Variants in SLC7A9 observed in about 807,000 individuals in gnomAD.
SLC7A9 encodes the protein solute carrier family 7 member 9, also known as B(0,+)-type amino acid transporter 1.
In SLC7A9, 38 loss-of-function variants were observed where a neutral mutation model predicts 54.1. The ratio of observed to expected loss-of-function variants is 0.70; its 90% confidence interval spans 0.54 to 0.92. The LOEUF (loss-of-function observed/expected upper bound fraction) is 0.92, where lower values mean the gene tolerates loss of function less well. SLC7A9 is among the 40% of genes least tolerant of loss of function. SLC7A9 has a pLI of 0.00. For missense variants in SLC7A9, 537 were observed against 636.1 expected (o/e 0.84, Z 1.68); for synonymous variants, 264 against 258.9 (o/e 1.02, Z -0.19).
chr19:32,834,862 C>A (rs1188815981), intron 11 of SLC7A9, among the ~76,000 whole-genome samples: 1 of 152,112 alleles, frequency 6.6e-6, no homozygotes, highest in Admixed American at 6.5e-5. Flanking sequence ...GTGATCTTGG[C>A]TCACTGCAAC....
intron 9 of SLC7A9, among the ~76,000 whole-genome samples, chr19:32,852,982 C>CGGCTCACTGCAACCTCCGTCCCCCA (rs1180871979): frequency 6.8e-6 from 1 of 147,024 alleles, no homozygotes; most frequent in Non-Finnish European, 1.5e-5. Context: ...GGTGCAATCT[C>CGGCTCACTGCAACCTCCGTCCCCCA]GGCTCACTGC....
chr19:32,853,133 A>C (rs1185927329), intron 9 of SLC7A9, among the ~76,000 whole-genome samples: 2 of 151,626 alleles, frequency 1.3e-5, no homozygotes, highest in Non-Finnish European at 2.9e-5. Flanking sequence ...CTGGTCTTGA[A>C]CTCCTGACTT....
chr19:32,841,749 A>G (rs1968132823), intron 11 of SLC7A9, among the ~76,000 whole-genome samples: 1 of 152,152 alleles, frequency 6.6e-6, no homozygotes, highest in South Asian at 2.1e-4. Context: ...TCTACTAAAA[A>G]TACAAAAATT....
chr19:32,851,968 C>T (rs1341745464), intron 9 of SLC7A9, among the ~76,000 whole-genome samples: 2 of 150,002 alleles, frequency 1.3e-5, no homozygotes, highest in Non-Finnish European at 3.0e-5. Flanking sequence ...GGGAATTGAA[C>T]AATGAGAACA....
At position 32,868,487 on chromosome 19, in the gene SLC7A9, G is replaced by C. The variant is rs1433749633; in HGVS notation, c.48C>G (p.Ile16Met). Residue 16 changes from isoleucine (I) to methionine (M), a missense_variant, in exon 2 of 13, where the codon ATC (isoleucine) becomes ATG (methionine). Transcript: ENST00000023064. ...TGGTGGTCTTAGGCTCTTGGCTCTGGATCGACTTCTCATCCTCTCTCCGCT... is the reference window on the plus strand; with the variant it reads ...TGGTGGTCTTAGGCTCTTGGCTCTGCATCGACTTCTCATCCTCTCTCCGCT... ...LRKRREDEKSIQSQEPKTTSL... is the reference protein window; with the variant it reads ...LRKRREDEKSMQSQEPKTTSL... The C allele has an allele frequency of 1.2e-6, 2 of 1,614,034 alleles. No individual in the cohort carries two copies. Among genetic ancestry groups the C allele is most frequent in the Middle Eastern group, 1.6e-4 (1 of 6,062 alleles).
intron 11 of SLC7A9, 78 bp from the exon 12 acceptor site, chr19:32,833,401 A>G (rs1967865307): frequency 5.2e-6 from 7 of 1,356,450 alleles, no homozygotes; most frequent in Non-Finnish European, 7.3e-6. Flanking sequence ...TTTTATAAAA[A>G]GAGTATGAAC....
chr19:32,839,687 A>T (rs1284970382), intron 11 of SLC7A9, among the ~76,000 whole-genome samples: 3 of 152,022 alleles, frequency 2.0e-5, no homozygotes, highest in African/African-American at 7.3e-5. Flanking sequence ...TCCTTTGAGT[A>T]GTTTAAATAT....
At chr19:32,854,390 T>C (rs1024822216) in intron 9 of SLC7A9, among the ~76,000 whole-genome samples, 1 of 152,162 alleles carries the variant, frequency 6.6e-6, no homozygotes, top group African/African-American at 2.4e-5. Flanking sequence ...CTGATCAAAA[T>C]CCCAACAGCT....
chr19:32,863,284 C>T (rs1018055349), intron 4 of SLC7A9, among the ~76,000 whole-genome samples: 11 of 151,784 alleles, frequency 7.2e-5, no homozygotes, highest in South Asian at 2.1e-4. Flanking sequence ...CCCCCTCCCC[C>T]GCCCTGCTAA....
intron 9 of SLC7A9, among the ~76,000 whole-genome samples, chr19:32,846,688 A>C (rs1032880711): frequency 4.6e-5 from 7 of 152,232 alleles, no homozygotes; most frequent in Non-Finnish European, 7.3e-5. Context: ...CCCAGCACAC[A>C]GCTGGAGATC....
intron 4 of SLC7A9, among the ~76,000 whole-genome samples, chr19:32,863,779 C>A (rs1968876839): frequency 6.6e-6 from 1 of 152,216 alleles, no homozygotes; most frequent in Non-Finnish European, 1.5e-5. Context: ...CGGGCTGCCT[C>A]AGATGGCGAA....
intron 8 of SLC7A9, among the ~76,000 whole-genome samples, chr19:32,859,495 G>A (rs1402173810): frequency 6.6e-6 from 1 of 152,042 alleles, no homozygotes; most frequent in Non-Finnish European, 1.5e-5. Context: ...TGACCCCAAT[G>A]CCTCTCACCT....
intron 5 of SLC7A9, 83 bp downstream of exon 5, chr19:32,862,378 G>T: frequency 6.3e-7 from 1 of 1,583,704 alleles, no homozygotes; most frequent in Non-Finnish European, 8.6e-7. Flanking sequence ...TTGGAGATGG[G>T]CTCGTGGGGC....
intron 9 of SLC7A9, among the ~76,000 whole-genome samples, chr19:32,848,025 T>C (rs1378541228): frequency 6.6e-6 from 1 of 151,554 alleles, no homozygotes; most frequent in Non-Finnish European, 1.5e-5. Context: ...CTAAAAGAGC[T>C]CCTGAAGGAA....
At chr19:32,843,721 C>T (rs1968193943) in intron 10 of SLC7A9, 134 bp downstream of exon 10, 1 of 704,640 alleles carries the variant, frequency 1.4e-6, no homozygotes, top group Admixed American at 2.1e-5. Flanking sequence ...TTCACTTGTC[C>T]TGGGACTCTT....
At chr19:32,864,398 G>A in intron 3 of SLC7A9, 60 bp from the exon 4 acceptor site, 1 of 1,608,222 alleles carries the variant, frequency 6.2e-7, no homozygotes. Flanking sequence ...CGGCCCCAGG[G>A]AGCCTTCCTC....
intron 9 of SLC7A9, among the ~76,000 whole-genome samples, chr19:32,851,360 G>T (rs1205373078): frequency 1.3e-5 from 2 of 151,976 alleles, no homozygotes; most frequent in Non-Finnish European, 2.9e-5. Context: ...AGTGGGCAAA[G>T]GATATAAACA....
chr19:32,842,926 G>T (rs973508158), intron 10 of SLC7A9, among the ~76,000 whole-genome samples: 6 of 152,062 alleles, frequency 3.9e-5, no homozygotes, highest in African/African-American at 1.4e-4. Flanking sequence ...TTTCAATGTG[G>T]GCTGGGGCCC....
intron 11 of SLC7A9, among the ~76,000 whole-genome samples, chr19:32,840,052 C>A (rs1488517877): frequency 1.3e-5 from 2 of 152,152 alleles, no homozygotes; most frequent in Non-Finnish European, 2.9e-5. Context: ...CCCACCTTCC[C>A]CACCCCTAGT....
Sources: allele counts gnomAD v4.1 joint callset (sites outside exome capture counted in the v4.1 genomes callset), GRCh38; gene constraint gnomAD v4.1.1; transcripts MANE v1.5; gene names NCBI Gene and HGNC (gene_info 2026-07-23, HGNC 2026-07-21).